The following CLPTM1 variants were observed in gnomAD, a reference collection of about 807,000 sequenced individuals.
The protein encoded by CLPTM1 is CLPTM1 regulator of GABA type A receptor forward trafficking.
CLPTM1 carries 21 observed loss-of-function variants against 77.3 expected under a neutral mutation model. The observed-to-expected ratio is 0.27, with a 90% CI of 0.19 to 0.39. The LOEUF (loss-of-function observed/expected upper bound fraction) is 0.39. CLPTM1 is among the 10% of genes least tolerant of loss of function. CLPTM1 has a pLI of 1.00. For synonymous variants in CLPTM1, 373 were observed against 381.0 expected, an observed-to-expected ratio of 0.98 and a Z score of 0.24; for missense variants, 642 against 921.2, an observed-to-expected ratio of 0.70 and a Z score of 3.92.
Position 44,991,119 on chromosome 19 carries a change from C to T in CLPTM1, c.1420-119C>T. The T allele has an allele frequency of 2.0e-6, 3 of 1,528,816 alleles. No homozygotes were observed. In the East Asian group the frequency reaches 6.8e-5, roughly 35 times the overall value. The allele number at this position is 1,528,816 out of a possible 1,614,324, so 94.7% of individuals were successfully genotyped here. A position where few individuals can be genotyped will look rare whatever the true frequency, so the allele number is the denominator to read the frequency against. On this transcript the variant is annotated intron_variant, in intron 11 of 13. Coordinates refer to ENST00000337392, the MANE Select transcript of CLPTM1 (RefSeq NM_001294.4). The surrounding 1 kb of genome is among the most constrained non-coding windows in gnomAD (Gnocchi z 5.4). ...CTGGGCGAGTCCGGAGTCCCCAGGG[C>T]TACCTGGAAATTCCCCCTGCCCGGC...
intron 2 of CLPTM1, among the ~76,000 whole-genome samples, chr19:44,967,432 G>A (rs1970651266): frequency 6.6e-6 from 1 of 152,142 alleles, no homozygotes; most frequent in South Asian, 2.1e-4. Flanking sequence ...ACCAAGGTAG[G>A]TGAATCACCT....
chr19:44,960,564 C>T (rs912589033), intron 1 of CLPTM1, among the ~76,000 whole-genome samples: 3 of 152,212 alleles, frequency 2.0e-5, no homozygotes, highest in African/African-American at 7.2e-5. Flanking sequence ...CAGGAAAGAG[C>T]TCTTGCTGGT....
At chr19:44,987,772 C>T in intron 8 of CLPTM1, 1 of 555,008 alleles carries the variant, frequency 1.8e-6, no homozygotes, top group Non-Finnish European at 3.2e-6. Context: ...TGGCGTGAGG[C>T]TCGGCTTTGC....
At chr19:44,985,014 C>T (rs1970955531) in intron 5 of CLPTM1, among the ~76,000 whole-genome samples, 1 of 152,044 alleles carries the variant, frequency 6.6e-6, no homozygotes, top group Non-Finnish European at 1.5e-5. Context: ...GTGATGGTGG[C>T]GTCCCCATGA....
intron 4 of CLPTM1, among the ~76,000 whole-genome samples, chr19:44,976,295 C>T (rs979268626): frequency 1.3e-5 from 2 of 152,064 alleles, no homozygotes; most frequent in Non-Finnish European, 2.9e-5. Flanking sequence ...GGATCTAAGT[C>T]GAAGCTTCAG....
intron 2 of CLPTM1, among the ~76,000 whole-genome samples, chr19:44,970,313 G>T (rs1028760994): frequency 2.0e-5 from 3 of 146,920 alleles, no homozygotes; most frequent in Non-Finnish European, 4.4e-5. Context: ...TCCTTCTCAG[G>T]GGTGGAGGCT....
At chr19:44,968,945 C>T (rs1970676604) in intron 2 of CLPTM1, among the ~76,000 whole-genome samples, 1 of 152,136 alleles carries the variant, frequency 6.6e-6, no homozygotes, top group South Asian at 2.1e-4. Context: ...ACCCTGGACC[C>T]CAGGGCCTTG....
In CLPTM1 at chr19:44,974,423, C is replaced by G. The variant is rs1007194618; in HGVS notation, c.310-16C>G. 4 of 1,607,418 alleles carry G rather than the reference C, an allele frequency of 2.5e-6. No individual in the cohort carries two copies. The highest frequency in any genetic ancestry group is 2.7e-5 in the African/African-American group (2 of 74,944). ...GAAGAGCAGGCCTGAGCTCTGTTCC[C>G]TTCCTGTCCCAACAGAACCTGCATG... On this transcript the variant is annotated splice_polypyrimidine_tract_variant and intron_variant, in intron 3 of 13. Coordinates refer to ENST00000337392, the MANE Select transcript of CLPTM1 (RefSeq NM_001294.4).
intron 5 of CLPTM1, 112 bp from the exon 6 acceptor site, chr19:44,985,106 A>T: frequency 1.4e-6 from 1 of 702,374 alleles, no homozygotes; most frequent in Non-Finnish European, 2.6e-6. Flanking sequence ...GGTGAGTGCA[A>T]GGTGGATGCC....
intron 2 of CLPTM1, among the ~76,000 whole-genome samples, chr19:44,964,031 G>T (rs964965373): frequency 6.6e-6 from 1 of 151,568 alleles, no homozygotes; most frequent in African/African-American, 2.4e-5. Flanking sequence ...CTCCCAAAGT[G>T]CTGGGATTAC....
intron 6 of CLPTM1, 119 bp downstream of exon 6, chr19:44,985,422 G>T: frequency 1.5e-6 from 1 of 685,574 alleles, no homozygotes; most frequent in South Asian, 1.7e-5. Context: ...GCTCGGTCAT[G>T]CCACCTCCCC....
Position 44,985,261 on chromosome 19 carries a change from C to G in CLPTM1, c.630C>G (p.Asn210Lys). The change falls in exon 6 of 14, where the codon AAC (asparagine) becomes AAG (lysine). Residue 210 changes from asparagine to lysine, a missense_variant. Asn to Lys is a moderately conservative substitution (Grantham distance 94). Around this residue, in one of 2 missense-constraint regions of CLPTM1, gnomAD observed 521 missense variants for 800.4 expected, o/e 0.65. Transcript: ENST00000337392. ...GCAGACGATTTCAGAAAACCAAGAA[C>G]CTGCTGACAGGAGAGACAGAAGCGG... ...YKRRRFQKTK[N>K]LLTGETEADP... 2.5e-6 allele frequency: 4 copies of G among 1,613,978 alleles called. No individual in the cohort carries two copies. The highest frequency in any genetic ancestry group is 3.4e-6 in the Non-Finnish European group (4 of 1,179,904).
upstream of CLPTM1, chr19:44,955,296 G>A: frequency 1.4e-6 from 2 of 1,437,200 alleles, no homozygotes; most frequent in African/African-American, 2.9e-5. Flanking sequence ...GGATAGGGTG[G>A]CCCGGCGGGG....
In CLPTM1 at chr19:44,990,439, G is replaced by C. The variant is rs757259973; in HGVS notation, c.1177G>C (p.Val393Leu). ...NSRQSLEGLSVRSVFFGVFQS... is the reference protein window; with the variant it reads ...NSRQSLEGLSLRSVFFGVFQS... ...CCGGCAGTCCCTGGAGGGCCTGTCC[G>C]TGCGCTCCGTCTTCTTCGGCGTTTT... The change falls in exon 10 of 14, where the codon GTG becomes CTG. Residue 393 changes from valine to leucine, a missense_variant. Transcript: ENST00000337392. This position sits in a 1 kb window ranked among gnomAD's most constrained non-coding sequence, Gnocchi z 4.8. 2 of 1,613,954 alleles carry C rather than the reference G, an allele frequency of 1.2e-6. No individual in the cohort carries two copies. The highest frequency in any genetic ancestry group is 4.5e-5 in the East Asian group (2 of 44,894).
chr19:44,987,623 T>C, intron 8 of CLPTM1, 200 bp downstream of exon 8: 1 of 663,274 alleles, frequency 1.5e-6, no homozygotes, highest in East Asian at 2.8e-5. Flanking sequence ...GGGGGTCCTC[T>C]CCCCAGGCTG....
intron 4 of CLPTM1, among the ~76,000 whole-genome samples, chr19:44,976,509 G>C (rs777205250): frequency 1.3e-5 from 2 of 152,208 alleles, no homozygotes; most frequent in Non-Finnish European, 2.9e-5. Flanking sequence ...AAAAGATAGG[G>C]AGAGTGAGGA....
At position 44,992,475 on chromosome 19, in the gene CLPTM1, G is replaced by T. The variant is rs547022007; in HGVS notation, c.1723+75G>T. The T allele has an allele frequency of 6.5e-4, 1,036 of 1,595,976 alleles. 5 individuals carry two copies. In the African/African-American group the frequency reaches 0.012, roughly 18 times the overall value. Reference sequence around the variant, plus strand: ...GCAGTCTTTAGGGCCCAGGCCTGAGGGGGTGCCACGGCCCCAGATGGGGTG... The same window carrying T: ...GCAGTCTTTAGGGCCCAGGCCTGAGTGGGTGCCACGGCCCCAGATGGGGTG... On this transcript the variant is annotated intron_variant, in intron 13 of 13. Transcript: ENST00000337392. The surrounding 1 kb of genome is among the most constrained non-coding windows in gnomAD (Gnocchi z 7.7).
rs987889444 is a variant in CLPTM1 at position 44,990,061 on chromosome 19, G to A, written c.1133-334G>A. 1 of 297,124 alleles carries A rather than the reference G, an allele frequency of 3.4e-6. No individual in the cohort carries two copies. The highest frequency in any genetic ancestry group is 6.2e-6 in the Non-Finnish European group (1 of 160,022). 18.4% of individuals were successfully genotyped at this position (297,124 alleles called of 1,614,324 possible). ...TGCCAGGCTGTTTGGCCTCAGGGAAGCAGCTTCCCTGACCAGTCCTTAGCA... is the reference window on the plus strand; with the variant it reads ...TGCCAGGCTGTTTGGCCTCAGGGAAACAGCTTCCCTGACCAGTCCTTAGCA... On this transcript the variant is annotated intron_variant, in intron 9 of 13. Coordinates refer to ENST00000337392, the MANE Select transcript of CLPTM1 (RefSeq NM_001294.4). The surrounding 1 kb of genome is among the most constrained non-coding windows in gnomAD (Gnocchi z 4.8).
At chr19:44,982,498 G>A (rs560283228) in intron 5 of CLPTM1, among the ~76,000 whole-genome samples, 1 of 152,308 alleles carries the variant, frequency 6.6e-6, no homozygotes, top group African/African-American at 2.4e-5. Context: ...AGAAAGGGGG[G>A]CTTTTTCCTC....
Sources: allele counts gnomAD v4.1 joint callset (sites outside exome capture counted in the v4.1 genomes callset), GRCh38; gene constraint gnomAD v4.1.1; regional missense constraint gnomAD v4.1.1; non-coding constraint Gnocchi (gnomAD v3.1); transcripts MANE v1.5; gene names NCBI Gene and HGNC (gene_info 2026-07-23, HGNC 2026-07-21).